The following PRDM1 variants were observed in gnomAD, a reference collection of about 807,000 sequenced individuals.
The protein encoded by PRDM1 is PR/SET domain 1.
A neutral mutation model predicts 62.8 loss-of-function variants in PRDM1; 13 were observed. That is an observed-to-expected ratio of 0.21 (90% CI 0.13 to 0.33). PRDM1 has a LOEUF of 0.33. PRDM1 is among the 10% of genes least tolerant of loss of function. The pLI is 1.00. For synonymous variants in PRDM1, 396 were observed against 417.6 expected (o/e 0.95, Z 0.63); for missense variants, 895 against 1,058.8 (o/e 0.85, Z 2.15).
At chr6:106,088,110 C>T (rs1773857974) in intron 1 of PRDM1, 91 bp from the exon 2 acceptor site, 6 of 1,445,464 alleles carry the variant, frequency 4.2e-6, no homozygotes, top group Non-Finnish European at 1.8e-6. Context: ...CTTTTAAAGT[C>T]TTCAGACTAC....
chr6:106,030,796 C>T (rs894417383), intron 1 of PRDM1, among the ~76,000 whole-genome samples: 11 of 152,142 alleles, frequency 7.2e-5, no homozygotes, highest in African/African-American at 2.7e-4. Flanking sequence ...TTCCATTCCC[C>T]CATTGAATTG....
intron 1 of PRDM1, among the ~76,000 whole-genome samples, chr6:106,004,332 C>T (rs1772460243): frequency 6.6e-6 from 1 of 152,152 alleles, no homozygotes; most frequent in African/African-American, 2.4e-5. Context: ...TATATGCTAA[C>T]ATGAATATTG....
chr6:106,107,632 A>G lies in PRDM1; in HGVS notation c.*146A>G. 1.7e-6 allele frequency: 1 copy of G among 571,570 alleles called. No individual in the cohort carries two copies. Among genetic ancestry groups the G allele is most frequent in the Non-Finnish European group, 2.8e-6 (1 of 357,138 alleles). 35.4% of individuals were successfully genotyped at this position (571,570 alleles called of 1,614,324 possible). ...CCCTCACCTCTGGAATTAAAGAAGG[A>G]ACTCCAAAGTTACTGAAATCTCAGG... On this transcript the variant is annotated 3_prime_UTR_variant, in exon 7 of 7. Coordinates refer to ENST00000369096, the MANE Select transcript of PRDM1 (RefSeq NM_001198.4).
At chr6:106,043,596 C>T (rs1016821593), upstream of PRDM1, among the ~76,000 whole-genome samples, 5 of 152,110 alleles carry the variant, frequency 3.3e-5, no homozygotes, top group Admixed American at 6.6e-5. Flanking sequence ...TGCAATGGCA[C>T]GATCTTGGCT....
intron 1 of PRDM1, among the ~76,000 whole-genome samples, chr6:106,005,316 T>A (rs557819642): frequency 2.6e-5 from 4 of 152,350 alleles, no homozygotes; most frequent in Admixed American, 2.6e-4. Flanking sequence ...GGTTTGTCTC[T>A]ACTAAATAGT....
At chr6:106,028,719 T>A (rs1469740741) in intron 1 of PRDM1, among the ~76,000 whole-genome samples, 2 of 152,148 alleles carry the variant, frequency 1.3e-5, no homozygotes, top group Non-Finnish European at 2.9e-5. Context: ...GTCATCACAG[T>A]TGAGATGATG....
Position 106,099,542 on chromosome 6 carries a change from G to A in PRDM1, c.654G>A (p.Met218Ile), listed in dbSNP as rs1210579974. 3 of 1,614,152 alleles carry A rather than the reference G, an allele frequency of 1.9e-6. No individual in the cohort carries two copies. The East Asian group carries it at 6.7e-5, about 36-fold the overall frequency. ...LHYPYPGELT[M>I]MNLTQTQSSL... ...ACCCTTATCCCGGAGAGCTGACAATGATGAATCTCAGTAAGTGGATTACAG... is the reference window on the plus strand; with the variant it reads ...ACCCTTATCCCGGAGAGCTGACAATAATGAATCTCAGTAAGTGGATTACAG... Residue 218 changes from methionine (M) to isoleucine (I), a missense_variant, in exon 4 of 7, where the codon ATG becomes ATA. Physicochemically the swap from Met to Ile is conservative, Grantham distance 10. Coordinates refer to ENST00000369096, the MANE Select transcript of PRDM1 (RefSeq NM_001198.4).
At chr6:106,094,358 T>C (rs9386511) in intron 2 of PRDM1, among the ~76,000 whole-genome samples, 3,974 of 152,262 alleles carry the variant, frequency 0.026, 94 homozygotes, top group East Asian at 0.079. Context: ...AAAACAAAAC[T>C]GTAACTGCAA....
chr6:106,019,990 G>A (rs1465038316), intron 1 of PRDM1, among the ~76,000 whole-genome samples: 1 of 150,484 alleles, frequency 6.6e-6, no homozygotes, highest in Non-Finnish European at 1.5e-5. Flanking sequence ...AGCACTTTGG[G>A]AGGCCAAGGT....
At chr6:106,069,493 G>A (rs913987050) in intron 1 of PRDM1, among the ~76,000 whole-genome samples, 13 of 152,156 alleles carry the variant, frequency 8.5e-5, no homozygotes, top group African/African-American at 3.1e-4. Context: ...TCCTTTTATA[G>A]TTGTAACAAT....
Position 106,106,853 on chromosome 6 carries a change from C to G in PRDM1, c.1903-58C>G. ...AAGCCTGCCCCTCCCGTTGGCAACT[C>G]TTAATCTTCTGGCCTTCCTGTCTCC... is the stretch of plus-strand genomic sequence containing the variant. On this transcript the variant is annotated intron_variant, in intron 6 of 6. Coordinates refer to ENST00000369096, the MANE Select transcript of PRDM1 (RefSeq NM_001198.4). This position sits in a 1 kb window ranked among gnomAD's most constrained non-coding sequence, Gnocchi z 4.4. 2 of 1,525,914 alleles carry G rather than the reference C, an allele frequency of 1.3e-6. No homozygotes were observed. Among genetic ancestry groups the G allele is most frequent in the Admixed American group, 3.7e-5 (2 of 54,506 alleles). The allele number at this position is 1,525,914 out of a possible 1,614,324, so 94.5% of individuals were successfully genotyped here.
intron 1 of PRDM1, among the ~76,000 whole-genome samples, chr6:106,027,745 G>A (rs1006661684): frequency 2.0e-5 from 3 of 152,174 alleles, no homozygotes; most frequent in Non-Finnish European, 4.4e-5. Context: ...TTCATCACTT[G>A]AGAGTGTCCT....
At chr6:106,000,001 C>T (rs935630452) in intron 1 of PRDM1, among the ~76,000 whole-genome samples, 1 of 152,166 alleles carries the variant, frequency 6.6e-6, no homozygotes, top group African/African-American at 2.4e-5. Flanking sequence ...AGGCGCCTGC[C>T]ACCACGCCTG....
intron 1 of PRDM1, among the ~76,000 whole-genome samples, chr6:106,005,292 G>A (rs1772470413): frequency 6.6e-6 from 1 of 152,184 alleles, no homozygotes; most frequent in African/African-American, 2.4e-5. Flanking sequence ...TGACTTCTTA[G>A]GTTTCTCTCC....
At chr6:106,019,887 G>A (rs1380554647) in intron 1 of PRDM1, among the ~76,000 whole-genome samples, 1 of 148,698 alleles carries the variant, frequency 6.7e-6, no homozygotes, top group Non-Finnish European at 1.5e-5. Context: ...TGATCTGTCT[G>A]TCATGGCCTC....
chr6:106,107,637 C>A lies in PRDM1; in HGVS notation c.*151C>A. On this transcript the variant is annotated 3_prime_UTR_variant, in exon 7 of 7. Coordinates refer to ENST00000369096, the MANE Select transcript of PRDM1 (RefSeq NM_001198.4). ...ACCTCTGGAATTAAAGAAGGAACTC[C>A]AAAGTTACTGAAATCTCAGGGCATG... 1 of 526,382 alleles carries A rather than the reference C, an allele frequency of 1.9e-6. No homozygotes were observed. Among genetic ancestry groups the A allele is most frequent in the Non-Finnish European group, 3.1e-6 (1 of 322,748 alleles). 32.6% of individuals were successfully genotyped at this position (526,382 alleles called of 1,614,324 possible).
At chr6:106,076,268 G>C (rs1773604827) in intron 1 of PRDM1, among the ~76,000 whole-genome samples, 2 of 152,068 alleles carry the variant, frequency 1.3e-5, no homozygotes, top group African/African-American at 4.8e-5. Flanking sequence ...ACCCAGCCTG[G>C]TAAAATCAAA....
chr6:106,082,317 A>T (rs140877899), upstream of PRDM1, among the ~76,000 whole-genome samples: 1,021 of 152,332 alleles, frequency 6.7e-3, 11 homozygotes, highest in African/African-American at 0.023. Context: ...CTTCTGTCTG[A>T]ATATTCACTA....
At chr6:106,006,669 C>T (rs1444712295) in intron 1 of PRDM1, among the ~76,000 whole-genome samples, 1 of 151,928 alleles carries the variant, frequency 6.6e-6, no homozygotes, top group Non-Finnish European at 1.5e-5. Context: ...GGGTGGTACA[C>T]ATAACGAAGA....
Sources: allele counts gnomAD v4.1 joint callset (sites outside exome capture counted in the v4.1 genomes callset), GRCh38; gene constraint gnomAD v4.1.1; non-coding constraint Gnocchi (gnomAD v3.1); transcripts MANE v1.5; gene names NCBI Gene and HGNC (gene_info 2026-07-23, HGNC 2026-07-21).